Variants in RAB19 observed in about 807,000 individuals in gnomAD.
The protein encoded by RAB19 is ras-related protein Rab-19.
RAB19 carries 21 observed loss-of-function variants against 17.3 expected under a neutral mutation model. The observed-to-expected ratio is 1.21, with a 90% CI of 0.86 to 1.74. RAB19 has a LOEUF of 1.74. Ranked by LOEUF, RAB19 falls within the 40% of genes most tolerant of loss-of-function variation. RAB19 has a pLI of 0.00. For synonymous variants in RAB19, 126 were observed against 110.4 expected (o/e 1.14, Z -0.88); for missense variants, 277 against 286.8 (o/e 0.97, Z 0.25).
At chr7:140,407,440 T>C (rs1246582932) in intron 1 of RAB19, 184 bp from the exon 2 acceptor site, 4 of 558,120 alleles carry the variant, frequency 7.2e-6, no homozygotes, top group Non-Finnish European at 1.3e-5. Context: ...AGAGCACCCC[T>C]AAAGTAAGAT....
At position 140,409,449 on chromosome 7, in the gene RAB19, C is replaced by A. The variant is rs542020054; in HGVS notation, c.201+1602C>A. 9.2e-5 allele frequency among the ~76,000 whole-genome samples: 14 copies of A among 152,168 alleles called. No homozygotes were observed. In the East Asian group the frequency reaches 2.7e-3, roughly 30 times the overall value. Reference sequence around the variant, plus strand: ...GTGGCTCATGCCTGTAATCCCAGCACTTTTGGAGGCCGAGGCAGGCGGATC... The same window carrying A: ...GTGGCTCATGCCTGTAATCCCAGCAATTTTGGAGGCCGAGGCAGGCGGATC... On this transcript the variant is annotated intron_variant, in intron 2 of 3. Transcript: ENST00000537763.
intron 2 of RAB19, chr7:140,411,135 C>G: frequency 2.2e-6 from 3 of 1,365,028 alleles, no homozygotes; most frequent in Non-Finnish European, 2.0e-6. Flanking sequence ...CGCAGTGGCT[C>G]ACGCCTGTAA....
At chr7:140,417,971 A>G (rs542748499) in intron 3 of RAB19, among the ~76,000 whole-genome samples, 164 of 152,236 alleles carry the variant, frequency 1.1e-3, no homozygotes, top group African/African-American at 2.1e-3. Context: ...AGACCCTGTT[A>G]GCATTGACAG....
chr7:140,409,576 A>G (rs958010789), intron 2 of RAB19, among the ~76,000 whole-genome samples: 1 of 152,034 alleles, frequency 6.6e-6, no homozygotes, highest in Non-Finnish European at 1.5e-5. Context: ...ACATGCCTGT[A>G]ATCCCAGCTG....
At chr7:140,416,702 T>C (rs1477207677) in intron 3 of RAB19, among the ~76,000 whole-genome samples, 1 of 151,944 alleles carries the variant, frequency 6.6e-6, no homozygotes, top group Non-Finnish European at 1.5e-5. Flanking sequence ...CACCCCAGAG[T>C]GTGCAGCCCT....
chr7:140,418,380 C>T (rs1257242515), intron 3 of RAB19, among the ~76,000 whole-genome samples: 24 of 126,368 alleles, frequency 1.9e-4, no homozygotes, highest in African/African-American at 6.8e-4. Flanking sequence ...GGTGAAACCC[C>T]GTCTCTGCTA....
At chr7:140,415,076 C>CTTTTT (rs1563072168) in intron 3 of RAB19, among the ~76,000 whole-genome samples, 4 of 149,338 alleles carry the variant, frequency 2.7e-5, no homozygotes, top group African/African-American at 1.0e-4. Flanking sequence ...CTTTTCTTTT[C>CTTTTT]TTTTCTTTTT....
chr7:140,410,648 G>T (rs1260337674), intron 2 of RAB19, among the ~76,000 whole-genome samples: 1 of 151,402 alleles, frequency 6.6e-6, no homozygotes, highest in Non-Finnish European at 1.5e-5. Context: ...TCGTACAGAT[G>T]GGGTTTCACC....
At position 140,427,214 on chromosome 7, in the gene RAB19, G is replaced by A. The variant is rs1186646021; in HGVS notation, c.*1064G>A. Among the ~76,000 whole-genome samples, 4 of 143,870 alleles carry A rather than the reference G, an allele frequency of 2.8e-5. No homozygotes were observed. Among genetic ancestry groups the A allele is most frequent in the Non-Finnish European group, 6.0e-5 (4 of 66,778 alleles). 94.4% of individuals were successfully genotyped at this position (143,870 alleles called of 152,430 possible). A position where few individuals can be genotyped will look rare whatever the true frequency, so the allele number is the denominator to read the frequency against. On this transcript the variant is annotated 3_prime_UTR_variant, in exon 4 of 4. Transcript: ENST00000537763. Reference sequence around the variant, plus strand: ...GGCTGGAATGCAGTGGCATGATCTCGGCTCACTGCAACCTCAACCTCCACC... The same window carrying A: ...GGCTGGAATGCAGTGGCATGATCTCAGCTCACTGCAACCTCAACCTCCACC...
chr7:140,421,648 T>A (rs1011158988), intron 3 of RAB19, among the ~76,000 whole-genome samples: 9 of 152,132 alleles, frequency 5.9e-5, no homozygotes, highest in Non-Finnish European at 1.0e-4. Flanking sequence ...TGAGCCACCA[T>A]GCCCAGCCCC....
intron 3 of RAB19, among the ~76,000 whole-genome samples, chr7:140,413,912 C>T (rs1799410749): frequency 6.6e-6 from 1 of 152,078 alleles, no homozygotes; most frequent in East Asian, 1.9e-4. Flanking sequence ...TTCTAAGCTA[C>T]ATGCGGTTTC....
Position 140,424,613 on chromosome 7 carries a change from C to A in RAB19, c.386-1269C>A, listed in dbSNP as rs1392533461. Among the ~76,000 whole-genome samples the A allele has an allele frequency of 2.8e-3, 224 of 79,218 alleles. 1 individual carries two copies. Among genetic ancestry groups the A allele is most frequent in the East Asian group, 0.015 (38 of 2,534 alleles). The allele number at this position is 79,218 out of a possible 152,430, so 52.0% of individuals were successfully genotyped here. A position where few individuals can be genotyped will look rare whatever the true frequency, so the allele number is the denominator to read the frequency against. On this transcript the variant is annotated intron_variant, in intron 3 of 3. Transcript: ENST00000537763. ...TCTCTCTCTCTCTCTCTCTCTCTCT[C>A]TCTCTCTATATATATATATATATAT...
chr7:140,417,298 A>G (rs117860387), intron 3 of RAB19, among the ~76,000 whole-genome samples: 1,529 of 151,118 alleles, frequency 0.01, 14 homozygotes, highest in Non-Finnish European at 0.015. Context: ...GCTACTCTGG[A>G]GACTGAGGTG....
chr7:140,410,313 C>CTTTTTTGTTTTTTT (rs1799331555), intron 2 of RAB19, among the ~76,000 whole-genome samples: 1 of 81,038 alleles, frequency 1.2e-5, no homozygotes, highest in African/African-American at 5.1e-5. Flanking sequence ...TTGTATTTTT[C>CTTTTTTGTTTTTTT]TTTTTTTTTT....
At chr7:140,412,362 G>T (rs1799382396) in intron 3 of RAB19, among the ~76,000 whole-genome samples, 1 of 152,064 alleles carries the variant, frequency 6.6e-6, no homozygotes, top group Non-Finnish European at 1.5e-5. Context: ...TGAGGCAGGA[G>T]AATCGCTTGA....
At chr7:140,413,009 C>T (rs1799395219) in intron 3 of RAB19, among the ~76,000 whole-genome samples, 3 of 151,878 alleles carry the variant, frequency 2.0e-5, no homozygotes, top group African/African-American at 7.3e-5. Flanking sequence ...ACCTGCAGTC[C>T]CAGCTACTCA....
intron 1 of RAB19, among the ~76,000 whole-genome samples, chr7:140,407,201 C>G (rs1799259503): frequency 6.6e-6 from 1 of 152,100 alleles, no homozygotes; most frequent in Non-Finnish European, 1.5e-5. Flanking sequence ...GTCAGTCTTA[C>G]AGCAGTTGGG....
chr7:140,406,103 C>T (rs1471105960), intron 1 of RAB19, among the ~76,000 whole-genome samples: 2 of 151,818 alleles, frequency 1.3e-5, no homozygotes, highest in Non-Finnish European at 2.9e-5. Context: ...ATTAGCCAGG[C>T]GTGGTGGCAG....
chr7:140,423,900 C>A (rs947809400), intron 3 of RAB19, among the ~76,000 whole-genome samples: 5 of 152,132 alleles, frequency 3.3e-5, no homozygotes, highest in Admixed American at 3.3e-4. Flanking sequence ...GTTACCCAGG[C>A]TGGAGTGCAG....
Sources: gnomAD v4.1 joint callset for allele counts (sites outside exome capture counted in the v4.1 genomes callset) on GRCh38, gnomAD v4.1.1 for gene constraint, MANE v1.5 for transcripts, NCBI Gene and HGNC (gene_info 2026-07-23, HGNC 2026-07-21) for gene names.